PARD3: variants seen among roughly 807,000 people sequenced by gnomAD.
PARD3 encodes partitioning defective 3 homolog.
In PARD3, 75 loss-of-function variants were observed where a neutral mutation model predicts 155.4. The observed-to-expected ratio is 0.48, with a 90% CI of 0.40 to 0.58. The LOEUF (loss-of-function observed/expected upper bound fraction) is 0.58, where lower values mean the gene tolerates loss of function less well. Among genes scored for constraint, PARD3 ranks in the 20% least tolerant of loss-of-function variants. PARD3 has a pLI of 0.00. For missense variants in PARD3, 1,642 were observed against 1,721.7 expected (o/e 0.95, Z 0.82); for synonymous variants, 576 against 610.5 (o/e 0.94, Z 0.83).
chr10:34,360,052 T>A lies in PARD3; in HGVS notation c.1896+19A>T. Reference sequence around the variant, plus strand: ...AAATTTTTGTTAATAGGCATACGCATGATAAAGTTGACACTCACTTTAGAT... The same window carrying A: ...AAATTTTTGTTAATAGGCATACGCAAGATAAAGTTGACACTCACTTTAGAT... On this transcript the variant is annotated intron_variant, in intron 13 of 24. Transcript: ENST00000374788. 1 of 1,596,642 alleles carries A rather than the reference T, an allele frequency of 6.3e-7. No homozygotes were observed.
intron 22 of PARD3, among the ~76,000 whole-genome samples, chr10:34,209,316 G>C (rs1951628519): frequency 6.6e-6 from 1 of 152,172 alleles, no homozygotes; most frequent in South Asian, 2.1e-4. Context: ...GTTATCAGGA[G>C]CAGGAGCCCC....
At chr10:34,319,932 G>A (rs577390107) in intron 19 of PARD3, among the ~76,000 whole-genome samples, 9 of 152,028 alleles carry the variant, frequency 5.9e-5, no homozygotes, top group Non-Finnish European at 1.0e-4. Flanking sequence ...CTAGATAAAT[G>A]GAAGCTAGTG....
At chr10:34,499,327 G>C (rs2080512701) in intron 3 of PARD3, among the ~76,000 whole-genome samples, 1 of 152,112 alleles carries the variant, frequency 6.6e-6, no homozygotes, top group Non-Finnish European at 1.5e-5. Flanking sequence ...TTTCAGATGT[G>C]CTTTCAGTAG....
At chr10:34,470,985 G>A (rs575790875) in intron 3 of PARD3, among the ~76,000 whole-genome samples, 322 of 152,148 alleles carry the variant, frequency 2.1e-3, no homozygotes, top group African/African-American at 6.9e-3. Flanking sequence ...CATATTCTCC[G>A]TAAATACATA....
At chr10:34,615,534 C>A (rs1457085894) in intron 2 of PARD3, among the ~76,000 whole-genome samples, 1 of 152,062 alleles carries the variant, frequency 6.6e-6, no homozygotes, top group African/African-American at 2.4e-5. Flanking sequence ...AAAAGGCTTC[C>A]CGACATTGGT....
At chr10:34,124,472 A>C (rs1489121762) in intron 23 of PARD3, among the ~76,000 whole-genome samples, 1 of 152,206 alleles carries the variant, frequency 6.6e-6, no homozygotes, top group Non-Finnish European at 1.5e-5. Context: ...AAAAGTGGCC[A>C]GTGCTAATAT....
intron 1 of PARD3, among the ~76,000 whole-genome samples, chr10:34,789,228 G>T (rs1588756353): frequency 6.6e-6 from 1 of 151,444 alleles, no homozygotes. Context: ...GGAGGCCGAG[G>T]CCGCAGTGAG....
At chr10:34,799,731 T>C (rs1182467727) in intron 1 of PARD3, among the ~76,000 whole-genome samples, 1 of 152,022 alleles carries the variant, frequency 6.6e-6, no homozygotes, top group African/African-American at 2.4e-5. Flanking sequence ...TGGCTGACAC[T>C]TGCAATCCCA....
chr10:34,542,573 C>G (rs1564826538), intron 2 of PARD3, among the ~76,000 whole-genome samples: 1 of 152,198 alleles, frequency 6.6e-6, no homozygotes, highest in Admixed American at 6.5e-5. Context: ...TTCATCCCAT[C>G]TGGTGATCAC....
intron 2 of PARD3, among the ~76,000 whole-genome samples, chr10:34,629,853 T>C (rs1308770793): frequency 6.6e-6 from 1 of 152,218 alleles, no homozygotes; most frequent in Non-Finnish European, 1.5e-5. Flanking sequence ...GTCTACAGTG[T>C]TAATTTATTC....
At chr10:34,369,339 T>G (rs540899224) in intron 12 of PARD3, among the ~76,000 whole-genome samples, 3,093 of 134,770 alleles carry the variant, frequency 0.023, 99 homozygotes, top group African/African-American at 0.081. Flanking sequence ...TTTATTTATT[T>G]ATTTATTTAT....
chr10:34,178,711 C>A (rs1440428339), intron 22 of PARD3, among the ~76,000 whole-genome samples: 1 of 152,044 alleles, frequency 6.6e-6, no homozygotes, highest in African/African-American at 2.4e-5. Context: ...TTGCCAGCTC[C>A]AAGAAAGAAA....
chr10:34,621,175 GTTGT>G (rs1012188953), intron 2 of PARD3, among the ~76,000 whole-genome samples: 24 of 152,062 alleles, frequency 1.6e-4, no homozygotes, highest in African/African-American at 4.8e-4. Context: ...CACTTTTTTT[GTTGT>G]TTGTTTTTTG....
chr10:34,571,532 T>C (rs141764217), intron 2 of PARD3, among the ~76,000 whole-genome samples: 31 of 152,288 alleles, frequency 2.0e-4, no homozygotes, highest in African/African-American at 7.0e-4. Flanking sequence ...GCAAATCAGA[T>C]ACTATAAAAC....
intron 2 of PARD3, among the ~76,000 whole-genome samples, chr10:34,681,766 ATATTTTTTTTTTTT>A (rs1219025222): frequency 1.5e-4 from 3 of 19,692 alleles, no homozygotes; most frequent in African/African-American, 8.4e-4. Context: ...ATATATATAT[ATATTTTTTTTTTTT>A]TTTTTTTTTT....
At chr10:34,693,280 C>A (rs1363953700) in intron 2 of PARD3, among the ~76,000 whole-genome samples, 5 of 152,100 alleles carry the variant, frequency 3.3e-5, no homozygotes, top group African/African-American at 1.2e-4. Context: ...AACTGTTCTG[C>A]CATAAAGACA....
At chr10:34,770,490 T>C (rs1449647792) in intron 1 of PARD3, among the ~76,000 whole-genome samples, 1 of 152,174 alleles carries the variant, frequency 6.6e-6, no homozygotes, top group Non-Finnish European at 1.5e-5. Context: ...CTTTTCATCC[T>C]AGAGGCCCTG....
chr10:34,747,541 TA>T (rs1835466981), intron 1 of PARD3, among the ~76,000 whole-genome samples: 1 of 152,224 alleles, frequency 6.6e-6, no homozygotes, highest in South Asian at 2.1e-4. Flanking sequence ...TTATCTCAAC[TA>T]AAAATGAAAA....
At chr10:34,479,821 C>T (rs1406445347) in intron 3 of PARD3, among the ~76,000 whole-genome samples, 1 of 152,136 alleles carries the variant, frequency 6.6e-6, no homozygotes, top group African/African-American at 2.4e-5. Flanking sequence ...GTATTTGTGT[C>T]CTGGCACCAA....
Sources: allele counts gnomAD v4.1 joint callset (sites outside exome capture counted in the v4.1 genomes callset), GRCh38; gene constraint gnomAD v4.1.1; transcripts MANE v1.5; gene names NCBI Gene and HGNC (gene_info 2026-07-23, HGNC 2026-07-21).